TFEC: variants seen among roughly 807,000 people sequenced by gnomAD.
The protein encoded by TFEC is class E basic helix-loop-helix protein 34.
Under a neutral mutation model 41.6 loss-of-function variants are expected in TFEC, and 31 were observed. The observed-to-expected ratio is 0.74, with a 90% CI of 0.56 to 1.01. TFEC has a LOEUF of 1.01. Among genes scored for constraint, TFEC ranks in the 50% least tolerant of loss-of-function variants. TFEC has a pLI of 0.00. For synonymous variants in TFEC, 143 were observed against 140.6 expected (o/e 1.02, Z -0.12); for missense variants, 402 against 404.1 (o/e 0.99, Z 0.04).
In TFEC at chr7:116,142,592, C is replaced by T. The variant is rs556340886; in HGVS notation, c.-69+17198G>A. The stretch of plus-strand genomic sequence containing the variant: ...TGAGTTCTGCATGCAGCTAAAATTG[C>T]CACAGGTTAACTTGTTGAGGGCTCT... On this transcript the variant is annotated intron_variant, in intron 1 of 8. Transcript: ENST00000484212. Among the ~76,000 whole-genome samples the T allele has an allele frequency of 5.3e-5, 8 of 152,246 alleles. No homozygotes were observed. The East Asian group carries it at 1.5e-3, about 29-fold the overall frequency.
At chr7:116,123,085 T>G (rs1379683254) in intron 1 of TFEC, among the ~76,000 whole-genome samples, 1 of 152,086 alleles carries the variant, frequency 6.6e-6, no homozygotes, top group African/African-American at 2.4e-5. Flanking sequence ...TAGTTATGAA[T>G]GTTATATATC....
intron 1 of TFEC, among the ~76,000 whole-genome samples, chr7:116,013,222 T>C (rs1468056514): frequency 6.6e-6 from 1 of 152,096 alleles, no homozygotes; most frequent in East Asian, 1.9e-4. Context: ...GCAATTATTC[T>C]TGAATTTTTG....
chr7:116,147,810 C>T (rs1798674597), intron 1 of TFEC, among the ~76,000 whole-genome samples: 1 of 152,142 alleles, frequency 6.6e-6, no homozygotes, highest in Non-Finnish European at 1.5e-5. Context: ...TTCAATCATT[C>T]ACTCCATTTA....
intron 3 of TFEC, among the ~76,000 whole-genome samples, chr7:116,099,659 A>G (rs941496206): frequency 4.6e-5 from 7 of 152,304 alleles, no homozygotes; most frequent in East Asian, 1.9e-4. Context: ...TAAAATATCA[A>G]TCTCCAGGAC....
At chr7:116,023,612 T>C (rs575729840) in intron 1 of TFEC, among the ~76,000 whole-genome samples, 2 of 152,256 alleles carry the variant, frequency 1.3e-5, no homozygotes, top group South Asian at 4.1e-4. Flanking sequence ...TAATCTAACA[T>C]ACAGCATGAA....
intron 3 of TFEC, among the ~76,000 whole-genome samples, chr7:116,066,292 A>T (rs1796693180): frequency 6.6e-6 from 1 of 152,116 alleles, no homozygotes; most frequent in Non-Finnish European, 1.5e-5. Context: ...ACAAATATGC[A>T]GTACCTTGGT....
At chr7:115,952,526 G>GT (rs1792002122) in intron 5 of TFEC, among the ~76,000 whole-genome samples, 2 of 151,974 alleles carry the variant, frequency 1.3e-5, no homozygotes, top group African/African-American at 4.8e-5. Context: ...ATAAGGGACT[G>GT]TTTTTGTCCT....
intron 3 of TFEC, among the ~76,000 whole-genome samples, chr7:116,062,429 A>C (rs1214494963): frequency 1.3e-5 from 2 of 148,782 alleles, no homozygotes; most frequent in Non-Finnish European, 3.0e-5. Context: ...CTTAGCTCCC[A>C]CTTATGAGTG....
At chr7:116,151,347 A>G (rs1040148465) in intron 1 of TFEC, among the ~76,000 whole-genome samples, 6 of 150,994 alleles carry the variant, frequency 4.0e-5, no homozygotes, top group Admixed American at 2.0e-4. Context: ...GACTCAAGCA[A>G]TTCGCCTGCC....
At chr7:116,021,490 G>A (rs1327754178) in intron 1 of TFEC, among the ~76,000 whole-genome samples, 1 of 152,172 alleles carries the variant, frequency 6.6e-6, no homozygotes, top group Non-Finnish European at 1.5e-5. Flanking sequence ...TACATTGTCA[G>A]CTCTAGCAAG....
intron 3 of TFEC, among the ~76,000 whole-genome samples, chr7:116,093,829 C>T (rs1797385300): frequency 6.6e-6 from 1 of 152,160 alleles, no homozygotes. Flanking sequence ...TTAGTATAGA[C>T]ATAACCTGAC....
intron 1 of TFEC, among the ~76,000 whole-genome samples, chr7:116,014,676 T>C (rs1428962141): frequency 1.3e-5 from 2 of 152,166 alleles, no homozygotes. Flanking sequence ...TAAATTTACA[T>C]TATACAAGGA....
intron 1 of TFEC, among the ~76,000 whole-genome samples, chr7:116,020,607 T>C (rs535544251): frequency 5.3e-5 from 8 of 152,222 alleles, no homozygotes; most frequent in South Asian, 2.1e-4. Flanking sequence ...AAAGCTAACA[T>C]GTTTCCTTTC....
chr7:116,085,647 G>T (rs1028087385), intron 3 of TFEC, among the ~76,000 whole-genome samples: 7 of 151,778 alleles, frequency 4.6e-5, no homozygotes, highest in Non-Finnish European at 8.8e-5. Context: ...TTTTAAGTTT[G>T]TTTATAGATT....
chr7:115,995,947 T>C (rs1206786440), intron 1 of TFEC, among the ~76,000 whole-genome samples: 5 of 152,166 alleles, frequency 3.3e-5, no homozygotes, highest in African/African-American at 1.2e-4. Flanking sequence ...TTCTTGCAAG[T>C]CTCACCACCA....
rs1798845793 is a variant in TFEC, at chr7:116,155,245, CCT to C, written c.-69+4543_-69+4544del. Among the ~76,000 whole-genome samples, 3 of 152,206 alleles carry C rather than the reference CCT, an allele frequency of 2.0e-5. No individual in the cohort carries two copies. The South Asian group carries it at 6.2e-4, about 32-fold the overall frequency. ...GATTCTGAGGAATTAGAGATAGCTT[CCT>C]TAAAGAACTAATATTTAAACCAAGA... On this transcript the variant is annotated intron_variant, in intron 1 of 8. Transcript: ENST00000484212.
At chr7:115,954,749 A>G (rs893637529) in intron 4 of TFEC, 107 bp from the exon 5 acceptor site, 1 of 793,238 alleles carries the variant, frequency 1.3e-6, no homozygotes, top group East Asian at 2.8e-5. Context: ...ATTTGCTCCA[A>G]AACGGTACAA....
At chr7:116,075,814 G>A (rs548472923) in intron 3 of TFEC, among the ~76,000 whole-genome samples, 3 of 152,074 alleles carry the variant, frequency 2.0e-5, no homozygotes, top group East Asian at 1.9e-4. Context: ...AAAGACAAAG[G>A]TCATAATCTC....
At chr7:116,150,490 C>T (rs757575995) in intron 1 of TFEC, among the ~76,000 whole-genome samples, 1 of 151,856 alleles carries the variant, frequency 6.6e-6, no homozygotes, top group Non-Finnish European at 1.5e-5. Flanking sequence ...TTTGGAGAAA[C>T]TAGAACTATA....
Sources: gnomAD v4.1 joint callset for allele counts (sites outside exome capture counted in the v4.1 genomes callset) on GRCh38, gnomAD v4.1.1 for gene constraint, MANE v1.5 for transcripts, NCBI Gene and HGNC (gene_info 2026-07-23, HGNC 2026-07-21) for gene names.